The following CNTN1 variants were observed in gnomAD, a reference collection of about 807,000 sequenced individuals.
CNTN1 encodes contactin 1.
In CNTN1, 38 loss-of-function variants were observed where a neutral mutation model predicts 126.4. The ratio of observed to expected loss-of-function variants is 0.30; its 90% CI spans 0.23 to 0.39. The LOEUF (loss-of-function observed/expected upper bound fraction) is 0.39. Among genes scored for constraint, CNTN1 ranks in the 10% least tolerant of loss-of-function variants. CNTN1 has a pLI of 1.00. For synonymous variants in CNTN1, 413 were observed against 422.6 expected, an observed-to-expected ratio of 0.98 and a Z score of 0.28; for missense variants, 1,009 against 1,248.4, an observed-to-expected ratio of 0.81 and a Z score of 2.89.
chr12:40,810,135 G>A (rs1220183150), intron 1 of CNTN1, among the ~76,000 whole-genome samples: 1 of 152,126 alleles, frequency 6.6e-6, no homozygotes, highest in Admixed American at 6.6e-5. Context: ...AATGAAGCCT[G>A]TATTTTAAAT....
intron 1 of CNTN1, among the ~76,000 whole-genome samples, chr12:40,782,390 A>G (rs1455166525): frequency 6.6e-6 from 1 of 151,990 alleles, no homozygotes; most frequent in African/African-American, 2.4e-5. Context: ...CTTATATAAT[A>G]GTCAAAACAA....
At chr12:40,737,359 G>GTATATATATATATATATATATATATA (rs57273919) in intron 1 of CNTN1, among the ~76,000 whole-genome samples, 1 of 113,244 alleles carries the variant, frequency 8.8e-6, no homozygotes, top group Non-Finnish European at 1.7e-5. Context: ...ATGTGTGTGT[G>GTATATATATATATATATATATATATA]TATATATATA....
At chr12:40,695,326 C>A (rs1205317001) in intron 1 of CNTN1, among the ~76,000 whole-genome samples, 1 of 152,148 alleles carries the variant, frequency 6.6e-6, no homozygotes, top group Non-Finnish European at 1.5e-5. Flanking sequence ...TGATCCTCTC[C>A]ATGAGGAGTA....
intron 11 of CNTN1, 28 bp downstream of exon 11, chr12:40,937,715 A>G (rs778030441): frequency 7.8e-7 from 1 of 1,280,490 alleles, no homozygotes. Flanking sequence ...TTTCTGTTAA[A>G]CATTGTTAAA....
chr12:41,009,977 C>G (rs1045764856), intron 17 of CNTN1, among the ~76,000 whole-genome samples: 2 of 152,116 alleles, frequency 1.3e-5, no homozygotes, highest in African/African-American at 2.4e-5. Flanking sequence ...ATTAAAAAAG[C>G]ATGTGTCAAT....
chr12:40,843,876 C>G (rs1942384275), intron 1 of CNTN1, among the ~76,000 whole-genome samples: 1 of 151,852 alleles, frequency 6.6e-6, no homozygotes, highest in African/African-American at 2.4e-5. Context: ...AGGAGTAGAA[C>G]TAAGTAGAAA....
At position 40,924,583 on chromosome 12, in the gene CNTN1, C is replaced by T. The variant is rs753302581; in HGVS notation, c.427C>T (p.Arg143Cys). 1.9e-6 allele frequency: 3 copies of T among 1,599,150 alleles called. No homozygotes were observed. Among genetic ancestry groups the T allele is most frequent in the East Asian group, 2.2e-5 (1 of 44,734 alleles). Residue 143 changes from arginine (R) to cysteine (C), a missense_variant, in exon 6 of 24, where the codon CGT becomes TGT. Physicochemically the swap from Arg to Cys is radical, Grantham distance 180 (BLOSUM62 -3). Coordinates refer to ENST00000551295, the MANE Select transcript of CNTN1 (RefSeq NM_001843.4). ...GYLDPFPPEERPEVRVKEGKG... is the reference protein window; with the variant it reads ...GYLDPFPPEECPEVRVKEGKG... Reference sequence around the variant, plus strand: ...TCTTGATCCTTTCCCACCTGAGGAACGTCCTGAGGTCAGAGTAAAAGAAGG... The same window carrying T: ...TCTTGATCCTTTCCCACCTGAGGAATGTCCTGAGGTCAGAGTAAAAGAAGG...
At chr12:40,732,536 G>A (rs374808632) in intron 1 of CNTN1, among the ~76,000 whole-genome samples, 1 of 152,020 alleles carries the variant, frequency 6.6e-6, no homozygotes, top group East Asian at 1.9e-4. Flanking sequence ...AACCTTCATT[G>A]CAGAATTGTA....
At chr12:40,894,950 G>C (rs1341427629) in intron 1 of CNTN1, among the ~76,000 whole-genome samples, 1 of 152,082 alleles carries the variant, frequency 6.6e-6, no homozygotes, top group Non-Finnish European at 1.5e-5. Flanking sequence ...ATAAAGAAGA[G>C]GGGAAAGAAC....
chr12:40,707,067 CACACACACACACACACACACA>C (rs1941772231), intron 1 of CNTN1, among the ~76,000 whole-genome samples: 1 of 150,606 alleles, frequency 6.6e-6, no homozygotes, highest in Non-Finnish European at 1.5e-5. Flanking sequence ...CACACACACA[CACACACACACACACACACACA>C]CCCCTGCTCA....
In CNTN1 at chr12:40,874,797, G is replaced by T. The variant is rs919251428; in HGVS notation, c.-76-33560G>T. On this transcript the variant is annotated intron_variant, in intron 1 of 23. Transcript: ENST00000551295. ...CATAAACTGCTATAGCATAATAAATGATGATAAAAATAATATAAAACACTT... is the reference window on the plus strand; with the variant it reads ...CATAAACTGCTATAGCATAATAAATTATGATAAAAATAATATAAAACACTT... 2.0e-5 allele frequency among the ~76,000 whole-genome samples: 3 copies of T among 152,112 alleles called. No homozygotes were observed. The South Asian group carries it at 6.2e-4, about 31-fold the overall frequency.
chr12:40,826,032 A>G (rs970778509), intron 1 of CNTN1, among the ~76,000 whole-genome samples: 2 of 152,164 alleles, frequency 1.3e-5, no homozygotes, highest in Non-Finnish European at 2.9e-5. Flanking sequence ...CTGAAGAAAG[A>G]GGGACTAAGC....
chr12:40,972,057 C>T (rs904759530), intron 15 of CNTN1: 34 of 985,856 alleles, frequency 3.4e-5, no homozygotes, highest in Non-Finnish European at 4.0e-5. Context: ...TAGTAAACAA[C>T]TGAAGTCCTA....
At chr12:40,971,363 C>T (rs1947503402) in intron 15 of CNTN1, 1 of 1,323,608 alleles carries the variant, frequency 7.6e-7, no homozygotes, top group Admixed American at 1.9e-5. Context: ...GCAAATCCCC[C>T]AAGTGCATGG....
At chr12:40,966,487 G>A (rs1947314043) in intron 15 of CNTN1, among the ~76,000 whole-genome samples, 1 of 151,958 alleles carries the variant, frequency 6.6e-6, no homozygotes, top group Non-Finnish European at 1.5e-5. Flanking sequence ...CTCCATAATT[G>A]TAATACACAA....
intron 1 of CNTN1, among the ~76,000 whole-genome samples, chr12:40,768,686 A>T (rs545341586): frequency 6.6e-6 from 1 of 152,288 alleles, no homozygotes; most frequent in African/African-American, 2.4e-5. Context: ...TTTCTGGCTG[A>T]ATTGCAACTG....
At chr12:40,913,523 C>G (rs770785551) in intron 3 of CNTN1, among the ~76,000 whole-genome samples, 6 of 152,110 alleles carry the variant, frequency 3.9e-5, no homozygotes, top group African/African-American at 1.4e-4. Context: ...TTACAACATG[C>G]TTATGTAAAA....
chr12:40,907,110 G>A (rs1451189285), intron 1 of CNTN1, among the ~76,000 whole-genome samples: 2 of 152,114 alleles, frequency 1.3e-5, no homozygotes, highest in East Asian at 3.9e-4. Context: ...TTATTGATGA[G>A]TGCTCTAATG....
intron 1 of CNTN1, among the ~76,000 whole-genome samples, chr12:40,813,062 C>CTTTCTTTCTTT (rs1565773275): frequency 2.8e-5 from 2 of 71,216 alleles, no homozygotes; most frequent in African/African-American, 1.1e-4. Context: ...TTTCTTTCTT[C>CTTTCTTTCTTT]CTTCCTTCCT....
Sources: allele counts gnomAD v4.1 joint callset (sites outside exome capture counted in the v4.1 genomes callset), GRCh38; gene constraint gnomAD v4.1.1; transcripts MANE v1.5; gene names NCBI Gene and HGNC (gene_info 2026-07-23, HGNC 2026-07-21).